HHAT: variants seen among roughly 807,000 people sequenced by gnomAD.
HHAT encodes hedgehog acyltransferase.
Under a neutral mutation model 70.8 loss-of-function variants are expected in HHAT, and 47 were observed. The observed-to-expected ratio is 0.66, with a 90% CI of 0.53 to 0.85. HHAT has a LOEUF of 0.85. HHAT is among the 40% of genes least tolerant of loss of function. The pLI, the probability that HHAT is intolerant of heterozygous loss-of-function variation, is 0.00. For synonymous variants in HHAT, 228 were observed against 247.6 expected (o/e 0.92, Z 0.74); for missense variants, 609 against 604.8 (o/e 1.01, Z -0.07).
chr1:210,365,309 GTT>G (rs4027290), intron 3 of HHAT, among the ~76,000 whole-genome samples: 3 of 78,408 alleles, frequency 3.8e-5, no homozygotes, highest in East Asian at 4.3e-4. Flanking sequence ...ACTGCTGACA[GTT>G]TTTTTTTTTT....
Position 210,647,375 on chromosome 1 carries a change from G to T in HHAT, c.1390+23705G>T, listed in dbSNP as rs1266448194. 1.3e-5 allele frequency among the ~76,000 whole-genome samples: 2 copies of T among 152,100 alleles called. 1 individual carries two copies. Among genetic ancestry groups the T allele is most frequent in the Admixed American group, 1.3e-4 (2 of 15,272 alleles). On this transcript the variant is annotated intron_variant, in intron 11 of 11. Transcript: ENST00000261458. ...GTGATGACTTCTACATACCTTTCGGGGGACACAATTCAACCCATAAGACCT... is the reference window on the plus strand; with the variant it reads ...GTGATGACTTCTACATACCTTTCGGTGGACACAATTCAACCCATAAGACCT...
intron 9 of HHAT, among the ~76,000 whole-genome samples, chr1:210,526,593 C>T (rs2095253602): frequency 6.6e-6 from 1 of 152,096 alleles, no homozygotes. Flanking sequence ...ACACTCTAGA[C>T]TGCCGTACCT....
At position 210,438,125 on chromosome 1, in the gene HHAT, G is replaced by A. The variant is rs545673372; in HGVS notation, c.856+19800G>A. ...AGCAGGAGTCAGCATATTGGGAGGAGGAGTTCTCTTTTCCTGCAACTTAAT... is the reference window on the plus strand; with the variant it reads ...AGCAGGAGTCAGCATATTGGGAGGAAGAGTTCTCTTTTCCTGCAACTTAAT... On this transcript the variant is annotated intron_variant, in intron 7 of 11. Transcript: ENST00000261458. Among the ~76,000 whole-genome samples, 9 of 151,888 alleles carry A rather than the reference G, an allele frequency of 5.9e-5. No homozygotes were observed. The East Asian group carries it at 1.7e-3, about 29-fold the overall frequency.
At chr1:210,373,548 C>G (rs2089771683) in intron 3 of HHAT, among the ~76,000 whole-genome samples, 1 of 152,072 alleles carries the variant, frequency 6.6e-6, no homozygotes, top group Non-Finnish European at 1.5e-5. Flanking sequence ...TCAGGGATGA[C>G]AATAGCTGCC....
rs569598332 is a variant in HHAT, at chr1:210,356,252, A to C, written c.92-6600A>C. ...TCTAATGAAAAGCAGCTACCCTAGAACCTTCTGATTTTGCAGAGCCCAGGC... is the reference window on the plus strand; with the variant it reads ...TCTAATGAAAAGCAGCTACCCTAGACCCTTCTGATTTTGCAGAGCCCAGGC... On this transcript the variant is annotated intron_variant, in intron 2 of 11. Coordinates refer to ENST00000261458, the MANE Select transcript of HHAT (RefSeq NM_018194.6). Among the ~76,000 whole-genome samples, 187 of 152,234 alleles carry C rather than the reference A, an allele frequency of 1.2e-3. 2 individuals carry two copies. In the South Asian group the frequency reaches 0.036, roughly 29 times the overall value.
intron 7 of HHAT, 107 bp from the exon 8 acceptor site, chr1:210,464,398 G>C (rs2094050581): frequency 2.0e-6 from 2 of 1,025,546 alleles, no homozygotes; most frequent in African/African-American, 1.6e-5. Flanking sequence ...GGAGGAAGGG[G>C]TGTGGGGAGA....
intron 9 of HHAT, among the ~76,000 whole-genome samples, chr1:210,562,618 T>C (rs570813739): frequency 1.3e-5 from 2 of 152,250 alleles, no homozygotes; most frequent in East Asian, 3.9e-4. Flanking sequence ...ATGTCTTGGT[T>C]AAGCTTTATG....
intron 9 of HHAT, among the ~76,000 whole-genome samples, chr1:210,532,134 G>C (rs1408546914): frequency 6.6e-6 from 1 of 152,128 alleles, no homozygotes; most frequent in African/African-American, 2.4e-5. Flanking sequence ...TTCATAGAGT[G>C]ACATTTATAT....
chr1:210,537,569 G>A (rs771373927), intron 9 of HHAT, among the ~76,000 whole-genome samples: 1 of 152,214 alleles, frequency 6.6e-6, no homozygotes, highest in South Asian at 2.1e-4. Flanking sequence ...GTCAGCTGCA[G>A]TAGGTGAAAA....
At chr1:210,535,159 C>G (rs1025994998) in intron 9 of HHAT, among the ~76,000 whole-genome samples, 11 of 152,188 alleles carry the variant, frequency 7.2e-5, no homozygotes, top group Non-Finnish European at 8.8e-5. Context: ...AGGAAGGCCA[C>G]TGTTATGCAT....
chr1:210,595,004 G>T (rs2148806525), intron 10 of HHAT, among the ~76,000 whole-genome samples: 1 of 151,462 alleles, frequency 6.6e-6, no homozygotes, highest in South Asian at 2.1e-4. Flanking sequence ...TAGGTTACAT[G>T]TGCACAACGT....
chr1:210,582,715 C>T (rs1301813250), intron 9 of HHAT, among the ~76,000 whole-genome samples: 1 of 152,192 alleles, frequency 6.6e-6, no homozygotes, highest in Non-Finnish European at 1.5e-5. Flanking sequence ...TTATGCCCCA[C>T]TTCTGACACA....
intron 9 of HHAT, among the ~76,000 whole-genome samples, chr1:210,517,670 T>A (rs527483317): frequency 1.1e-4 from 16 of 152,108 alleles, no homozygotes; most frequent in South Asian, 2.1e-4. Flanking sequence ...TTCTTGAAAA[T>A]TGCTAAGACA....
At chr1:210,445,570 C>CATA (rs1306164229) in intron 7 of HHAT, among the ~76,000 whole-genome samples, 2 of 152,158 alleles carry the variant, frequency 1.3e-5, no homozygotes, top group Non-Finnish European at 2.9e-5. Context: ...AACATATTTA[C>CATA]ATAACCCTTT....
chr1:210,344,597 A>T (rs1160141133), intron 1 of HHAT, among the ~76,000 whole-genome samples: 1 of 152,176 alleles, frequency 6.6e-6, no homozygotes, highest in Non-Finnish European at 1.5e-5. Context: ...TGGCTTAGCC[A>T]TCAACCCCAA....
rs538161813 is a variant in HHAT, at chr1:210,478,572, C to T, written c.1007+13917C>T. On this transcript the variant is annotated intron_variant, in intron 8 of 11. Transcript: ENST00000261458. ...GGTTCTAGGTCTCTTGCCTGTGCTTCAGAGGAGAGGGAAGGATGTTAGGTG... is the reference window on the plus strand; with the variant it reads ...GGTTCTAGGTCTCTTGCCTGTGCTTTAGAGGAGAGGGAAGGATGTTAGGTG... Among the ~76,000 whole-genome samples the T allele has an allele frequency of 1.2e-4, 19 of 152,276 alleles. 1 individual carries two copies. The South Asian group carries it at 3.3e-3, about 27-fold the overall frequency.
intron 8 of HHAT, among the ~76,000 whole-genome samples, chr1:210,466,685 C>T (rs921110907): frequency 6.6e-6 from 1 of 152,202 alleles, no homozygotes; most frequent in African/African-American, 2.4e-5. Flanking sequence ...TCCATAAATA[C>T]CAACCCACTG....
chr1:210,356,489 T>G (rs17708168), intron 2 of HHAT, among the ~76,000 whole-genome samples: 9,394 of 152,264 alleles, frequency 0.062, 350 homozygotes, highest in South Asian at 0.1. Flanking sequence ...TTTTGCTTTT[T>G]CTGGTGCGAA....
chr1:210,637,896 A>G (rs560499579), intron 11 of HHAT, among the ~76,000 whole-genome samples: 1 of 152,148 alleles, frequency 6.6e-6, no homozygotes, highest in Admixed American at 6.5e-5. Context: ...ACCTGAATAG[A>G]TATGTATGCA....
Sources: allele counts gnomAD v4.1 joint callset (sites outside exome capture counted in the v4.1 genomes callset), GRCh38; gene constraint gnomAD v4.1.1; transcripts MANE v1.5; gene names NCBI Gene and HGNC (gene_info 2026-07-23, HGNC 2026-07-21).